Variants in MYO9B observed in about 807,000 individuals in gnomAD.
MYO9B encodes the protein unconventional myosin-IXb.
MYO9B carries 71 observed loss-of-function variants against 229.5 expected under a neutral mutation model. The ratio of observed to expected loss-of-function variants is 0.31; its 90% CI spans 0.26 to 0.38. MYO9B has a LOEUF of 0.38. Ranked by LOEUF, MYO9B falls within the 10% of genes least tolerant of loss-of-function variation. The pLI is 1.00. For missense variants in MYO9B, 2,255 were observed against 2,920.5 expected, an observed-to-expected ratio of 0.77 and a Z score of 5.25; for synonymous variants, 1,185 against 1,235.8, an observed-to-expected ratio of 0.96 and a Z score of 0.86.
intron 1 of MYO9B, among the ~76,000 whole-genome samples, chr19:17,079,706 G>A (rs1292824455): frequency 6.6e-6 from 1 of 152,136 alleles, no homozygotes; most frequent in Non-Finnish European, 1.5e-5. Flanking sequence ...GAGACGCTCT[G>A]GGGCCACGGG....
rs1196908002 is a variant in MYO9B at position 17,191,173 on chromosome 19, A to G, written c.2765A>G (p.Glu922Gly). Residue 922 changes from glutamate (E) to glycine (G), a missense_variant, in exon 20 of 40, where the codon GAG becomes GGG. Physicochemically the swap from Glu to Gly is moderately conservative, Grantham distance 98. Transcript: ENST00000682292. ...PCREVISTLL[E>G]KMKIDKRNYQ... The stretch of plus-strand genomic sequence containing the variant: ...AGGGAGGTCATCTCCACCCTCCTGG[A>G]GAAAATGAAGATAGACAAGAGGAAC... The G allele has an allele frequency of 1.2e-6, 2 of 1,612,474 alleles. No homozygotes were observed. Among genetic ancestry groups the G allele is most frequent in the South Asian group, 2.2e-5 (2 of 90,790 alleles).
intron 2 of MYO9B, among the ~76,000 whole-genome samples, chr19:17,132,674 G>A (rs1185672899): frequency 9.1e-5 from 13 of 142,962 alleles, no homozygotes; most frequent in Non-Finnish European, 1.5e-4. Flanking sequence ...GACTACAGGC[G>A]CCACCACCAC....
chr19:17,120,762 G>A (rs940575758), intron 2 of MYO9B, among the ~76,000 whole-genome samples: 4 of 152,028 alleles, frequency 2.6e-5, no homozygotes, highest in East Asian at 1.9e-4. Flanking sequence ...GGTTTGTGGC[G>A]GCAGCTCTTG....
At chr19:17,207,883 G>T (rs572464401) in intron 35 of MYO9B, 1 of 152,310 alleles carries the variant, frequency 6.6e-6, no homozygotes, top group African/African-American at 2.4e-5. Context: ...GGTGGCGCAT[G>T]CCTGTAATCC....
Position 17,101,935 on chromosome 19 carries a change from G to A in MYO9B, c.218G>A (p.Gly73Asp), listed in dbSNP as rs749011932. Residue 73 changes from glycine to aspartate, a missense_variant, in exon 2 of 40, where the codon GGC (glycine) becomes GAC (aspartate). Gly to Asp is a moderately conservative substitution (Grantham distance 94). Coordinates refer to ENST00000682292, the MANE Select transcript of MYO9B (RefSeq NM_004145.4). The surrounding 1 kb of genome is among the most constrained non-coding windows in gnomAD (Gnocchi z 4.7). ...CTGGTGGAGGTCAAAGAGTCGGGAGGCGAGGAATGGGTGCTGGACGCCAAC... is the reference window on the plus strand; with the variant it reads ...CTGGTGGAGGTCAAAGAGTCGGGAGACGAGGAATGGGTGCTGGACGCCAAC... ...YVLVEVKESGGEEWVLDANDS... is the reference protein window; with the variant it reads ...YVLVEVKESGDEEWVLDANDS... 2 of 1,613,614 alleles carry A rather than the reference G, an allele frequency of 1.2e-6. No individual in the cohort carries two copies. The highest frequency in any genetic ancestry group is 2.2e-5 in the South Asian group (2 of 91,074).
Position 17,163,133 on chromosome 19 carries a change from G to A in MYO9B, c.1671+11G>A, listed in dbSNP as rs1329076620. The A allele has an allele frequency of 2.6e-6, 4 of 1,547,232 alleles. No individual in the cohort carries two copies. The highest frequency in any genetic ancestry group is 2.4e-5 in the South Asian group (2 of 83,232). ...TTCAAGCTGGAGCAGGTGCGGAAAG[G>A]GCTTTTTTGTCAATTTTTTGAACTT... On this transcript the variant is annotated intron_variant, in intron 10 of 39. Coordinates refer to ENST00000682292, the MANE Select transcript of MYO9B (RefSeq NM_004145.4).
rs1278372827 is a variant in MYO9B, at chr19:17,202,292, G to C, written c.4825G>C (p.Glu1609Gln). Residue 1609 changes from glutamate to glutamine, a missense_variant, in exon 28 of 40, where the codon GAG (glutamate) becomes CAG (glutamine). This residue lies in a region of MYO9B where 416 missense variants were observed against 605.5 expected (regional missense o/e 0.69). Transcript: ENST00000682292. ...CCGTGGCTACACCAAGAACGACTTC[G>C]AGCCAGTGAAGGTGGGCAGCCCAGC... is the stretch of plus-strand genomic sequence containing the variant. ...FTRGYTKNDFEPVKQSKAQKK... is the reference protein window; with the variant it reads ...FTRGYTKNDFQPVKQSKAQKK... 4 of 1,563,388 alleles carry C rather than the reference G, an allele frequency of 2.6e-6. No homozygotes were observed. Among genetic ancestry groups the C allele is most frequent in the African/African-American group, 1.4e-5 (1 of 73,328 alleles).
chr19:17,196,116 G>GGAGA (rs141426487), intron 22 of MYO9B, among the ~76,000 whole-genome samples: 1 of 132,200 alleles, frequency 7.6e-6, no homozygotes, highest in Non-Finnish European at 1.6e-5. Context: ...AGGGAGGGAG[G>GGAGA]GAGAGAGAGA....
chr19:17,179,671 C>A (rs908696986), intron 14 of MYO9B, among the ~76,000 whole-genome samples: 3 of 151,782 alleles, frequency 2.0e-5, no homozygotes, highest in Non-Finnish European at 2.9e-5. Flanking sequence ...AGGTGATCTG[C>A]CCTGCTCAGC....
At chr19:17,123,424 T>TTGTGTGTGTGTGTG (rs3222984) in intron 2 of MYO9B, among the ~76,000 whole-genome samples, 2,012 of 146,890 alleles carry the variant, frequency 0.014, 25 homozygotes, top group East Asian at 0.05. Context: ...CAGTAGAAAT[T>TTGTGTGTGTGTGTG]TGTGTGTGTG....
At chr19:17,207,414 C>T in intron 35 of MYO9B, 170 bp downstream of exon 35, 1 of 882,984 alleles carries the variant, frequency 1.1e-6, no homozygotes. Flanking sequence ...AAGAGGATCA[C>T]TTGAGGCCAG....
At chr19:17,132,174 A>ATTTC (rs2072205515) in intron 2 of MYO9B, among the ~76,000 whole-genome samples, 3 of 84,426 alleles carry the variant, frequency 3.6e-5, no homozygotes, top group Admixed American at 1.3e-4. Flanking sequence ...GGCTTATTTT[A>ATTTC]TTTCTTTTTT....
At chr19:17,084,898 C>G (rs1288876091) in intron 1 of MYO9B, among the ~76,000 whole-genome samples, 3 of 152,002 alleles carry the variant, frequency 2.0e-5, no homozygotes, top group Non-Finnish European at 4.4e-5. Context: ...GAGCAAGACT[C>G]TGTCTCAAAG....
chr19:17,155,573 T>C (rs1436840249), intron 6 of MYO9B, among the ~76,000 whole-genome samples: 2 of 151,688 alleles, frequency 1.3e-5, no homozygotes, highest in African/African-American at 4.8e-5. Flanking sequence ...AGACCAGGAG[T>C]TGGAGACCAG....
intron 8 of MYO9B, among the ~76,000 whole-genome samples, chr19:17,160,510 C>CTTTTTTTTTT (rs34857957): frequency 2.3e-5 from 3 of 128,172 alleles, no homozygotes; most frequent in African/African-American, 9.0e-5. Flanking sequence ...TCTTTTTTTT[C>CTTTTTTTTTT]TTTTTTTTTT....
At chr19:17,186,320 G>A (rs1267649057) in intron 18 of MYO9B, among the ~76,000 whole-genome samples, 1 of 152,186 alleles carries the variant, frequency 6.6e-6, no homozygotes, top group African/African-American at 2.4e-5. Context: ...TTACATAGCA[G>A]AGTCTCAGAG....
intron 2 of MYO9B, among the ~76,000 whole-genome samples, chr19:17,124,128 A>G (rs763942722): frequency 7.9e-5 from 12 of 152,108 alleles, no homozygotes; most frequent in East Asian, 5.9e-4. Flanking sequence ...GCCTCAAGCA[A>G]TCCTTCCACC....
chr19:17,163,372 C>CTTTTTTT (rs3031315), intron 10 of MYO9B, among the ~76,000 whole-genome samples: 5 of 92,386 alleles, frequency 5.4e-5, no homozygotes, highest in African/African-American at 1.9e-4. Flanking sequence ...CCCCATTCCA[C>CTTTTTTT]TTTTTTTTTT....
At chr19:17,085,035 A>G (rs1467195783) in intron 1 of MYO9B, among the ~76,000 whole-genome samples, 2 of 152,288 alleles carry the variant, frequency 1.3e-5, no homozygotes, top group African/African-American at 4.8e-5. Flanking sequence ...GTTGAGACCT[A>G]CAGGTCAAGC....
Sources: allele counts gnomAD v4.1 joint callset (sites outside exome capture counted in the v4.1 genomes callset), GRCh38; gene constraint gnomAD v4.1.1; regional missense constraint gnomAD v4.1.1; non-coding constraint Gnocchi (gnomAD v3.1); transcripts MANE v1.5; gene names NCBI Gene and HGNC (gene_info 2026-07-23, HGNC 2026-07-21).